The following MYO18B variants were observed in gnomAD, a reference collection of about 807,000 sequenced individuals.
The protein encoded by MYO18B is unconventional myosin-XVIIIb.
MYO18B carries 204 observed loss-of-function variants against 273.0 expected under a neutral mutation model. The observed-to-expected ratio is 0.75, with a 90% CI of 0.67 to 0.84. The LOEUF is 0.84. Ranked by LOEUF, MYO18B falls within the 40% of genes least tolerant of loss-of-function variation. MYO18B has a pLI of 0.00. For missense variants in MYO18B, 3,212 were observed against 3,287.6 expected, an observed-to-expected ratio of 0.98 and a Z score of 0.56; for synonymous variants, 1,330 against 1,305.7, an observed-to-expected ratio of 1.02 and a Z score of -0.40.
intron 39 of MYO18B, among the ~76,000 whole-genome samples, chr22:25,991,463 T>C (rs2093269785): frequency 1.3e-5 from 2 of 152,198 alleles, no homozygotes; most frequent in African/African-American, 2.4e-5. Context: ...CATGACCAAA[T>C]GTCCCCTGGG....
intron 39 of MYO18B, chr22:25,983,210 A>C (rs2093167403): frequency 6.6e-6 from 1 of 152,184 alleles, no homozygotes; most frequent in Non-Finnish European, 1.5e-5. Flanking sequence ...CTCTAAAAAA[A>C]TGAAAAAACC....
At chr22:25,904,215 T>G (rs1414225525) in intron 31 of MYO18B, among the ~76,000 whole-genome samples, 1 of 152,226 alleles carries the variant, frequency 6.6e-6, no homozygotes, top group African/African-American at 2.4e-5. Flanking sequence ...GAAGTCAGAT[T>G]GTTTTTCTCT....
chr22:25,968,936 C>T (rs573083733), intron 39 of MYO18B, among the ~76,000 whole-genome samples: 1 of 152,338 alleles, frequency 6.6e-6, no homozygotes, highest in South Asian at 2.1e-4. Context: ...CTGAAACAAG[C>T]ACATTCCTAC....
intron 35 of MYO18B, among the ~76,000 whole-genome samples, chr22:25,946,744 C>T (rs1431509187): frequency 1.3e-5 from 2 of 152,144 alleles, no homozygotes; most frequent in African/African-American, 2.4e-5. Flanking sequence ...GTGTGCTCAC[C>T]ATCATGAGAT....
intron 12 of MYO18B, among the ~76,000 whole-genome samples, chr22:25,811,048 G>A (rs1360960613): frequency 2.0e-5 from 3 of 151,286 alleles, no homozygotes; most frequent in Non-Finnish European, 4.4e-5. Context: ...GAGTCTCGCT[G>A]TGTTGCCCAG....
At chr22:26,032,380 T>C (rs1435366258), downstream of MYO18B, among the ~76,000 whole-genome samples, 1 of 152,170 alleles carries the variant, frequency 6.6e-6, no homozygotes, top group Non-Finnish European at 1.5e-5. Context: ...ATAGTCGCTT[T>C]CTTGCTGTGT....
rs2086832626 is a variant in MYO18B, at chr22:25,774,286, AAGCTCTGGGTGGGCCAG to A, written c.1869+1781_1869+1797del. On this transcript the variant is annotated intron_variant, in intron 7 of 43. Transcript: ENST00000335473. ...GGTCAAGGGCCTGGGAGGACCTCAGAAGCTCTGGGTGGGCCAGAGCTTGGCACGTGCCCTCTCCCGTC... is the reference window on the plus strand; with the variant it reads ...GGTCAAGGGCCTGGGAGGACCTCAGAAGCTTGGCACGTGCCCTCTCCCGTC... 2.0e-5 allele frequency among the ~76,000 whole-genome samples: 3 copies of A among 152,190 alleles called. No homozygotes were observed. The South Asian group carries it at 6.2e-4, about 32-fold the overall frequency.
At chr22:25,850,021 G>A (rs1488599017) in intron 20 of MYO18B, among the ~76,000 whole-genome samples, 1 of 152,098 alleles carries the variant, frequency 6.6e-6, no homozygotes, top group Admixed American at 6.5e-5. Context: ...GGACATGAAT[G>A]CAGATAGGTG....
chr22:25,778,227 C>T (rs2086994492), intron 8 of MYO18B, among the ~76,000 whole-genome samples: 1 of 152,024 alleles, frequency 6.6e-6, no homozygotes, highest in Admixed American at 6.6e-5. Flanking sequence ...AGCTAATAGC[C>T]AGAGAGGAAA....
chr22:25,836,370 G>T (rs1317712988), intron 17 of MYO18B, among the ~76,000 whole-genome samples: 1 of 152,146 alleles, frequency 6.6e-6, no homozygotes, highest in South Asian at 2.1e-4. Flanking sequence ...TTTGTCACCG[G>T]GGTCAAGGTG....
chr22:26,007,561 G>A (rs1036996224), intron 42 of MYO18B, among the ~76,000 whole-genome samples: 3 of 152,160 alleles, frequency 2.0e-5, no homozygotes, highest in African/African-American at 7.2e-5. Context: ...GTTCAGCCAA[G>A]ACAAAGTGCT....
intron 1 of MYO18B, among the ~76,000 whole-genome samples, chr22:25,753,239 G>GC (rs2085997739): frequency 6.6e-6 from 1 of 151,806 alleles, no homozygotes; most frequent in African/African-American, 2.4e-5. Context: ...GGGCGGGTGT[G>GC]GGGGGGGCGG....
chr22:25,972,197 T>TA (rs2093042812), intron 39 of MYO18B, among the ~76,000 whole-genome samples: 1 of 151,804 alleles, frequency 6.6e-6, no homozygotes, highest in Non-Finnish European at 1.5e-5. Flanking sequence ...TACATATATA[T>TA]TTTTCCATGA....
chr22:25,832,752 A>G (rs546828600), intron 15 of MYO18B, among the ~76,000 whole-genome samples, 165 bp from the exon 16 acceptor site: 1 of 151,858 alleles, frequency 6.6e-6, no homozygotes, highest in South Asian at 2.1e-4. Context: ...AAATGACTAA[A>G]ATGGTAAATT....
rs186905565 is a variant in MYO18B, at chr22:25,928,932, C to T, written c.5517+7523C>T. Among the ~76,000 whole-genome samples, 652 of 152,158 alleles carry T rather than the reference C, an allele frequency of 4.3e-3. 6 individuals are homozygous for T. Among genetic ancestry groups the T allele is most frequent in the Admixed American group, 7.1e-3 (109 of 15,290 alleles). ...ATCCCAGCACTTTGGGAGGCCAAGG[C>T]GGGCGGGTCACCTGAGGTCAGGAGT... On this transcript the variant is annotated intron_variant, in intron 34 of 43. Coordinates refer to ENST00000335473, the MANE Select transcript of MYO18B (RefSeq NM_032608.7).
At chr22:25,997,982 A>ACAC in intron 40 of MYO18B, among the ~76,000 whole-genome samples, 1 of 140,996 alleles carries the variant, frequency 7.1e-6, no homozygotes, top group African/African-American at 2.7e-5. Context: ...CACACACGAG[A>ACAC]GAGAGAGAGA....
At chr22:25,891,159 TG>T in intron 26 of MYO18B, 144 bp from the exon 27 acceptor site, 1 of 716,758 alleles carries the variant, frequency 1.4e-6, no homozygotes, top group Non-Finnish European at 2.3e-6. Context: ...ATGCCGAAGG[TG>T]GCTAGCCCAT....
At chr22:25,898,596 C>T (rs964328102) in intron 29 of MYO18B, 135 bp downstream of exon 29, 38 of 887,772 alleles carry the variant, frequency 4.3e-5, no homozygotes, top group Non-Finnish European at 5.7e-5. Flanking sequence ...CTCCCTGTCC[C>T]GTCACACCTT....
At chr22:25,811,673 T>G (rs1402744886) in intron 12 of MYO18B, among the ~76,000 whole-genome samples, 1 of 152,364 alleles carries the variant, frequency 6.6e-6, no homozygotes, top group South Asian at 2.1e-4. Flanking sequence ...CATTGCTTCA[T>G]AGTGATATTC....
Sources: gnomAD v4.1 joint callset for allele counts (sites outside exome capture counted in the v4.1 genomes callset) on GRCh38, gnomAD v4.1.1 for gene constraint, MANE v1.5 for transcripts, NCBI Gene and HGNC (gene_info 2026-07-23, HGNC 2026-07-21) for gene names.